SGK1: variants seen among roughly 807,000 people sequenced by gnomAD.
SGK1 encodes serine/threonine-protein kinase Sgk1.
Under a neutral mutation model 64.2 loss-of-function variants are expected in SGK1, and 26 were observed. The ratio of observed to expected loss-of-function variants is 0.40; its 90% CI spans 0.30 to 0.56. The LOEUF (loss-of-function observed/expected upper bound fraction) is 0.56. Among genes scored for constraint, SGK1 ranks in the 20% least tolerant of loss-of-function variants. The pLI, the probability that SGK1 is intolerant of heterozygous loss-of-function variation, is 0.38. For missense variants in SGK1, 519 were observed against 645.6 expected (o/e 0.80, Z 2.12); for synonymous variants, 265 against 239.7 (o/e 1.11, Z -0.98).
chr6:134,194,996 TTA>T (rs1258612839), intron 3 of SGK1, among the ~76,000 whole-genome samples: 3 of 152,234 alleles, frequency 2.0e-5, no homozygotes, highest in African/African-American at 7.2e-5. Flanking sequence ...TGCTGCCATA[TTA>T]GTTTGATTCA....
rs1680744181 is a variant in SGK1 at position 134,170,445 on chromosome 6, G to A, written c.1414-10C>T. ...GGTCGTTGGGCCCACTCTGTGACGG[G>A]AAGGGAAAAACACTCTTGTCAAGAA... is the stretch of plus-strand genomic sequence containing the variant. On this transcript the variant is annotated splice_polypyrimidine_tract_variant and intron_variant, in intron 13 of 13. Transcript: ENST00000367858. 1.2e-6 allele frequency: 2 copies of A among 1,605,170 alleles called. No homozygotes were observed. The highest frequency in any genetic ancestry group is 1.7e-6 in the Non-Finnish European group (2 of 1,174,056).
rs1562236272 is a variant in SGK1 at position 134,171,282 on chromosome 6, T to A, written c.1168-104A>T. 2.8e-6 allele frequency: 3 copies of A among 1,075,294 alleles called. No homozygotes were observed. In the African/African-American group the frequency reaches 4.7e-5, roughly 17 times the overall value. The allele number at this position is 1,075,294 out of a possible 1,614,324, so 66.6% of individuals were successfully genotyped here. A position where few individuals can be genotyped will look rare whatever the true frequency, so the allele number is the denominator to read the frequency against. ...AACGGCAATAAATATTAGGCTCGAT[T>A]TGAGAAACTCTCCCCACCTCAATGC... is the stretch of plus-strand genomic sequence containing the variant. On this transcript the variant is annotated intron_variant, in intron 11 of 13. Transcript: ENST00000367858.
In SGK1 at chr6:134,249,076, G is replaced by A. The variant is rs560436570; in HGVS notation, c.285+12857C>T. 7.2e-5 allele frequency among the ~76,000 whole-genome samples: 11 copies of A among 152,122 alleles called. 1 individual carries two copies. The South Asian group carries it at 1.2e-3, about 17-fold the overall frequency. ...ATGCTTTCCCAAACCTGGAATCCTCGTCTTTTTTGCAGAAGAAGAATCAAG... is the reference window on the plus strand; with the variant it reads ...ATGCTTTCCCAAACCTGGAATCCTCATCTTTTTTGCAGAAGAAGAATCAAG... On this transcript the variant is annotated intron_variant, in intron 2 of 13. Coordinates refer to ENST00000367858, the MANE Select transcript of SGK1 (RefSeq NM_001143676.3).
At chr6:134,185,728 G>T (rs1432292803) in intron 3 of SGK1, among the ~76,000 whole-genome samples, 1 of 152,114 alleles carries the variant, frequency 6.6e-6, no homozygotes, top group Non-Finnish European at 1.5e-5. Context: ...AAATCCCATG[G>T]CAGGCTGTCT....
rs897861807 is a variant in SGK1 at position 134,274,768 on chromosome 6, A to G, written c.70-12620T>C. The stretch of plus-strand genomic sequence containing the variant: ...TTCTCGATTCCTAAAGCCATTCCTT[A>G]AATGGTATTGCCCTTTTAGTCTTTT... On this transcript the variant is annotated intron_variant, in intron 1 of 13. Coordinates refer to ENST00000367858, the MANE Select transcript of SGK1 (RefSeq NM_001143676.3). 3.3e-5 allele frequency among the ~76,000 whole-genome samples: 5 copies of G among 150,574 alleles called. No individual in the cohort carries two copies. In the South Asian group the frequency reaches 1.0e-3, roughly 32 times the overall value.
At chr6:134,219,184 G>T (rs2114699645) in intron 2 of SGK1, among the ~76,000 whole-genome samples, 1 of 151,890 alleles carries the variant, frequency 6.6e-6, no homozygotes, top group East Asian at 2.0e-4. Context: ...ATTTTGTTTT[G>T]CATTTTTAGT....
intron 3 of SGK1, chr6:134,177,683 GCTT>G (rs769857069): frequency 1.4e-5 from 23 of 1,613,814 alleles, no homozygotes; most frequent in African/African-American, 8.0e-5. Context: ...GGGTTTTATA[GCTT>G]CTTCTTTCAT....
intron 1 of SGK1, chr6:134,283,180 C>G (rs1195514006): frequency 6.6e-6 from 1 of 152,052 alleles, no homozygotes; most frequent in Non-Finnish European, 1.5e-5. Flanking sequence ...GCTGCTTCAC[C>G]TAACTAGCCT....
At chr6:134,269,947 G>C (rs1776914728) in intron 1 of SGK1, among the ~76,000 whole-genome samples, 1 of 146,538 alleles carries the variant, frequency 6.8e-6, no homozygotes, top group African/African-American at 2.5e-5. Context: ...TTGAGACGGA[G>C]TTGTACTTTT....
intron 3 of SGK1, among the ~76,000 whole-genome samples, chr6:134,188,908 CTT>C (rs34316759): frequency 0.45 from 49,052 of 109,524 alleles, 9,380 homozygotes; most frequent in Non-Finnish European, 0.5. Context: ...ATTTCTTTTT[CTT>C]TTTTTTTTTT....
At chr6:134,279,574 TAAAG>T (rs1460275411) in intron 1 of SGK1, among the ~76,000 whole-genome samples, 1 of 152,146 alleles carries the variant, frequency 6.6e-6, no homozygotes, top group Non-Finnish European at 1.5e-5. Context: ...ACTGACTTGT[TAAAG>T]AAAGAAAGTG....
intron 1 of SGK1, among the ~76,000 whole-genome samples, chr6:134,285,857 G>A (rs1777176976): frequency 1.3e-5 from 2 of 152,026 alleles, no homozygotes; most frequent in Admixed American, 1.3e-4. Flanking sequence ...AAAATTTGCT[G>A]GGAAACAAAT....
At chr6:134,176,399 C>T (rs1352452361) in intron 3 of SGK1, among the ~76,000 whole-genome samples, 1 of 152,212 alleles carries the variant, frequency 6.6e-6, no homozygotes, top group African/African-American at 2.4e-5. Flanking sequence ...GAGGGAAGCT[C>T]GAGGCGGCGG....
chr6:134,224,150 C>T (rs750479643), intron 2 of SGK1, among the ~76,000 whole-genome samples: 3 of 152,124 alleles, frequency 2.0e-5, no homozygotes, highest in Non-Finnish European at 4.4e-5. Flanking sequence ...GCAAAAACAC[C>T]ATGAATACAG....
At chr6:134,203,452 G>T (rs1309146372) in intron 3 of SGK1, among the ~76,000 whole-genome samples, 1 of 152,122 alleles carries the variant, frequency 6.6e-6, no homozygotes, top group African/African-American at 2.4e-5. Flanking sequence ...AAACAGTAAA[G>T]TTAAATCTAA....
chr6:134,186,057 C>T (rs1466810754), intron 3 of SGK1, among the ~76,000 whole-genome samples: 2 of 152,042 alleles, frequency 1.3e-5, no homozygotes, highest in African/African-American at 2.4e-5. Context: ...AAGGCCACAC[C>T]CCAAAATAAT....
intron 1 of SGK1, among the ~76,000 whole-genome samples, chr6:134,303,837 T>C (rs1480890537): frequency 1.3e-5 from 2 of 152,102 alleles, no homozygotes; most frequent in Non-Finnish European, 2.9e-5. Flanking sequence ...ACACAGTTTC[T>C]CTTTGCCACT....
intron 2 of SGK1, among the ~76,000 whole-genome samples, chr6:134,248,380 T>C (rs1190341167): frequency 6.6e-6 from 1 of 150,436 alleles, no homozygotes; most frequent in Non-Finnish European, 1.5e-5. Context: ...AATAATGTCA[T>C]CTTCCCATAC....
At chr6:134,183,520 G>C (rs1351624912) in intron 3 of SGK1, among the ~76,000 whole-genome samples, 2 of 152,126 alleles carry the variant, frequency 1.3e-5, no homozygotes, top group African/African-American at 4.8e-5. Context: ...ACTCAGGGAG[G>C]GTGTGGTCTA....
Sources: allele counts gnomAD v4.1 joint callset (sites outside exome capture counted in the v4.1 genomes callset), GRCh38; gene constraint gnomAD v4.1.1; transcripts MANE v1.5; gene names NCBI Gene and HGNC (gene_info 2026-07-23, HGNC 2026-07-21).